UBR3: variants seen among roughly 807,000 people sequenced by gnomAD.
The protein encoded by UBR3 is E3 ubiquitin-protein ligase UBR3.
UBR3 carries 85 observed loss-of-function variants against 243.2 expected under a neutral mutation model. The observed-to-expected ratio is 0.35, with a 90% confidence interval of 0.29 to 0.42. The LOEUF is 0.42. Among genes scored for constraint, UBR3 ranks in the 10% least tolerant of loss-of-function variants. UBR3 has a pLI of 1.00. For synonymous variants in UBR3, 748 were observed against 799.8 expected (o/e 0.94, Z 1.09); for missense variants, 1,686 against 2,300.8 (o/e 0.73, Z 5.47).
intron 30 of UBR3, among the ~76,000 whole-genome samples, chr2:170,019,949 A>G (rs998887869): frequency 1.3e-5 from 2 of 151,828 alleles, no homozygotes; most frequent in Non-Finnish European, 2.9e-5. Context: ...CTAATTTTTT[A>G]ATACATTTCT....
rs754645128 is a variant in UBR3 at position 169,994,472 on chromosome 2, A to G, written c.3918+16A>G. 6.3e-7 allele frequency: 1 copy of G among 1,598,670 alleles called. No individual in the cohort carries two copies. Among genetic ancestry groups the G allele is most frequent in the Admixed American group, 1.7e-5 (1 of 59,832 alleles). On this transcript the variant is annotated intron_variant, in intron 26 of 38. Transcript: ENST00000272793. ...TTTTAAGGATGTAAGTACTCTTTAT[A>G]AAATAGTACTTTTGTCTGCCAAGTT...
chr2:170,048,928 C>A (rs1374898674), intron 32 of UBR3, among the ~76,000 whole-genome samples: 1 of 152,130 alleles, frequency 6.6e-6, no homozygotes, highest in Admixed American at 6.5e-5. Flanking sequence ...ATCAGATTTT[C>A]ATAATTTTTA....
At chr2:169,957,229 T>G (rs1002236236) in intron 23 of UBR3, among the ~76,000 whole-genome samples, 6 of 152,080 alleles carry the variant, frequency 3.9e-5, no homozygotes, top group Non-Finnish European at 8.8e-5. Context: ...ATTAGTTGAC[T>G]TATTTTCCTA....
chr2:169,999,820 G>T (rs528918789), intron 26 of UBR3, among the ~76,000 whole-genome samples: 4 of 149,836 alleles, frequency 2.7e-5, no homozygotes, highest in African/African-American at 9.9e-5. Context: ...ATGAAAGAAA[G>T]AAACTTTTAA....
At chr2:169,960,936 T>C (rs1156607029) in intron 24 of UBR3, among the ~76,000 whole-genome samples, 3 of 152,140 alleles carry the variant, frequency 2.0e-5, no homozygotes, top group Non-Finnish European at 2.9e-5. Flanking sequence ...AAAGAGACTA[T>C]CTTTAGTACG....
chr2:169,948,712 A>C (rs1251255663), intron 22 of UBR3, among the ~76,000 whole-genome samples: 2 of 152,076 alleles, frequency 1.3e-5, no homozygotes, highest in Non-Finnish European at 2.9e-5. Context: ...GATGTTAAAA[A>C]ATAGTGTATA....
chr2:170,040,385 C>T (rs1423229676), intron 31 of UBR3, among the ~76,000 whole-genome samples: 1 of 152,134 alleles, frequency 6.6e-6, no homozygotes, highest in African/African-American at 2.4e-5. Flanking sequence ...GGATTACAGG[C>T]ATGAGCCACT....
At chr2:170,074,477 G>A (rs182641882) in intron 36 of UBR3, among the ~76,000 whole-genome samples, 23 of 152,192 alleles carry the variant, frequency 1.5e-4, no homozygotes, top group African/African-American at 5.5e-4. Flanking sequence ...GGCACTCAAG[G>A]ATCTTCACCA....
intron 1 of UBR3, among the ~76,000 whole-genome samples, chr2:169,837,584 T>G (rs2082149610): frequency 6.6e-6 from 1 of 152,082 alleles, no homozygotes; most frequent in Admixed American, 6.5e-5. Flanking sequence ...AAACGTAGAA[T>G]CATGGTAGAA....
At chr2:169,847,095 G>C (rs1386016670) in intron 1 of UBR3, among the ~76,000 whole-genome samples, 1 of 33,680 alleles carries the variant, frequency 3.0e-5, no homozygotes, top group African/African-American at 7.0e-5. Context: ...GTGTGTGTGT[G>C]TGTGTGTGTG....
At chr2:169,875,274 C>G (rs1435625211) in intron 2 of UBR3, among the ~76,000 whole-genome samples, 1 of 151,980 alleles carries the variant, frequency 6.6e-6, no homozygotes, top group African/African-American at 2.4e-5. Flanking sequence ...TTGAAATGAT[C>G]TTATGATGAC....
At chr2:169,841,448 T>C (rs375444511) in intron 1 of UBR3, among the ~76,000 whole-genome samples, 17 of 152,304 alleles carry the variant, frequency 1.1e-4, no homozygotes, top group Middle Eastern at 3.4e-3. Flanking sequence ...AGGAGCCCTT[T>C]AGCCCCCCCA....
At chr2:169,883,116 C>T (rs544289252) in intron 5 of UBR3, among the ~76,000 whole-genome samples, 6 of 152,270 alleles carry the variant, frequency 3.9e-5, no homozygotes, top group East Asian at 3.9e-4. Flanking sequence ...GACTTAGGAA[C>T]GTGAGAATGG....
intron 1 of UBR3, among the ~76,000 whole-genome samples, chr2:169,871,415 G>GAAA (rs76600459): frequency 1.6e-5 from 2 of 125,138 alleles, no homozygotes; most frequent in African/African-American, 5.8e-5. Flanking sequence ...GTCTTTAAGG[G>GAAA]AAAAAAAAAA....
intron 5 of UBR3, 126 bp from the exon 6 acceptor site, chr2:169,891,039 T>C (rs578064165): frequency 2.0e-6 from 1 of 504,218 alleles, no homozygotes; most frequent in Admixed American, 3.5e-5. Context: ...AGCAAATACA[T>C]AGATGTTGAT....
Position 169,949,738 on chromosome 2 carries a change from G to T in UBR3, c.3218G>T (p.Gly1073Val). 1.3e-6 allele frequency: 2 copies of T among 1,551,600 alleles called. No individual in the cohort carries two copies. The highest frequency in any genetic ancestry group is 1.7e-6 in the Non-Finnish European group (2 of 1,146,768). The change falls in exon 23 of 39, where the codon GGT becomes GTT. Residue 1073 changes from glycine to valine, a missense_variant. Physicochemically the swap from Gly to Val is moderately radical, Grantham distance 109 (BLOSUM62 -3). Coordinates refer to ENST00000272793, the MANE Select transcript of UBR3 (RefSeq NM_172070.4). ...ACTTCAAGTAAATGGTCTGCTCCTG[G>T]TTCAGCTCCACAGTTAACTACAGCC... is the stretch of plus-strand genomic sequence containing the variant. ...PKTSSKWSAP[G>V]SAPQLTTAIL...
intron 31 of UBR3, among the ~76,000 whole-genome samples, chr2:170,037,648 T>C (rs1574432286): frequency 6.6e-6 from 1 of 152,132 alleles, no homozygotes; most frequent in Admixed American, 6.6e-5. Flanking sequence ...TTGGCCTCCC[T>C]AAGTGTTGGG....
chr2:169,864,034 A>G (rs2083173672), intron 1 of UBR3, among the ~76,000 whole-genome samples: 1 of 152,100 alleles, frequency 6.6e-6, no homozygotes, highest in Admixed American at 6.6e-5. Context: ...GGTGCTGTCA[A>G]ATACTTTCTT....
At chr2:169,988,063 A>G (rs1195996287) in intron 25 of UBR3, among the ~76,000 whole-genome samples, 1 of 152,234 alleles carries the variant, frequency 6.6e-6, no homozygotes, top group Non-Finnish European at 1.5e-5. Flanking sequence ...ACATTGAAGT[A>G]GAGCTGTCCA....
Sources: gnomAD v4.1 joint callset for allele counts (sites outside exome capture counted in the v4.1 genomes callset) on GRCh38, gnomAD v4.1.1 for gene constraint, MANE v1.5 for transcripts, NCBI Gene and HGNC (gene_info 2026-07-23, HGNC 2026-07-21) for gene names.